NFILZ: variants seen among roughly 807,000 people sequenced by gnomAD.
NFILZ encodes the protein NFIL3 like basic leucine zipper.
At chr19:8,653,933 T>C (rs552382964) in intron 3 of NFILZ, among the ~76,000 whole-genome samples, 1 of 152,228 alleles carries the variant, frequency 6.6e-6, no homozygotes, top group South Asian at 2.1e-4. Context: ...AATTCATCCA[T>C]GTAATCAACA....
intron 2 of NFILZ, among the ~76,000 whole-genome samples, chr19:8,633,945 TC>T (rs2042883199): frequency 1.4e-5 from 2 of 144,486 alleles, no homozygotes; most frequent in Non-Finnish European, 1.5e-5. Context: ...CTTCCTTCCT[TC>T]CCTCCCTTCT....
At chr19:8,666,181 G>C (rs1387762757) in intron 3 of NFILZ, among the ~76,000 whole-genome samples, 3 of 151,994 alleles carry the variant, frequency 2.0e-5, no homozygotes, top group African/African-American at 7.3e-5. Context: ...GACTCCCCAA[G>C]TCTTCATAGG....
intron 3 of NFILZ, among the ~76,000 whole-genome samples, chr19:8,640,563 G>A (rs538077186): frequency 2.6e-5 from 4 of 152,054 alleles, no homozygotes; most frequent in African/African-American, 7.2e-5. Context: ...TGCTGCTCCC[G>A]GGTGGGTAAG....
intron 3 of NFILZ, among the ~76,000 whole-genome samples, chr19:8,637,930 A>AAAAAAAAAAAAAAAAAG (rs1421127557): frequency 6.7e-6 from 1 of 149,324 alleles, no homozygotes; most frequent in African/African-American, 2.5e-5. Context: ...AAAAAAAAAA[A>AAAAAAAAAAAAAAAAAG]AAAAGAAAAG....
chr19:8,660,128 G>T (rs2918313), intron 3 of NFILZ, among the ~76,000 whole-genome samples: 1 of 152,062 alleles, frequency 6.6e-6, no homozygotes, highest in African/African-American at 2.4e-5. Flanking sequence ...GGCTTGGCAG[G>T]GTAGGCCCTG....
chr19:8,644,028 G>T (rs75900042), intron 3 of NFILZ, among the ~76,000 whole-genome samples: 5,415 of 152,042 alleles, frequency 0.036, 147 homozygotes, highest in Middle Eastern at 0.12. Context: ...GGATTGAATT[G>T]TTCCACCCCA....
chr19:8,647,446 C>T (rs2042943558), intron 3 of NFILZ, among the ~76,000 whole-genome samples: 1 of 152,116 alleles, frequency 6.6e-6, no homozygotes, highest in Non-Finnish European at 1.5e-5. Context: ...GTGGCAGGCG[C>T]CTGTAATCCC....
At chr19:8,655,056 A>G (rs1555748181) in intron 3 of NFILZ, among the ~76,000 whole-genome samples, 3 of 152,220 alleles carry the variant, frequency 2.0e-5, no homozygotes, top group Non-Finnish European at 4.4e-5. Flanking sequence ...GAAAACTCAT[A>G]TAGTACTTAG....
chr19:8,644,633 GA>G (rs1457001926), intron 3 of NFILZ, among the ~76,000 whole-genome samples: 2 of 151,180 alleles, frequency 1.3e-5, no homozygotes, highest in Non-Finnish European at 1.5e-5. Context: ...GCTATTAAAA[GA>G]ATTTTTTTTT....
intron 3 of NFILZ, among the ~76,000 whole-genome samples, chr19:8,655,930 C>T (rs147902373): frequency 1.3e-5 from 2 of 151,972 alleles, no homozygotes; most frequent in South Asian, 2.1e-4. Context: ...TCTCTGTCTC[C>T]GTTTGAGTCT....
chr19:8,643,893 C>T (rs2042928848), intron 3 of NFILZ, among the ~76,000 whole-genome samples: 1 of 152,098 alleles, frequency 6.6e-6, no homozygotes. Flanking sequence ...CCTTTCTGAT[C>T]AGCTATTGAT....
At chr19:8,659,776 A>G (rs1239811991) in intron 3 of NFILZ, among the ~76,000 whole-genome samples, 3 of 152,112 alleles carry the variant, frequency 2.0e-5, no homozygotes, top group African/African-American at 7.2e-5. Flanking sequence ...CTGAGTCCCC[A>G]CGGATGAAGC....
At chr19:8,643,813 T>C (rs1242421882) in intron 3 of NFILZ, among the ~76,000 whole-genome samples, 1 of 152,152 alleles carries the variant, frequency 6.6e-6, no homozygotes, top group Non-Finnish European at 1.5e-5. Flanking sequence ...GCCCTGTAAT[T>C]ATATAATCCT....
intron 3 of NFILZ, among the ~76,000 whole-genome samples, chr19:8,647,778 TGCGC>T (rs147345694): frequency 0.066 from 7,045 of 106,292 alleles, 342 homozygotes; most frequent in African/African-American, 0.071. Flanking sequence ...CACGCACACA[TGCGC>T]GCGCGCGCGC....
chr19:8,646,813 C>T (rs886089670), intron 3 of NFILZ, among the ~76,000 whole-genome samples: 4 of 152,162 alleles, frequency 2.6e-5, no homozygotes, highest in Non-Finnish European at 4.4e-5. Flanking sequence ...CTCTGCTGCT[C>T]CTCCTAAACC....
intron 3 of NFILZ, among the ~76,000 whole-genome samples, chr19:8,660,198 C>T (rs762844536): frequency 2.9e-4 from 44 of 152,288 alleles, no homozygotes; most frequent in Non-Finnish European, 5.3e-4. Context: ...CTAGGCAAGT[C>T]GGTGCATCTC....
intron 3 of NFILZ, among the ~76,000 whole-genome samples, chr19:8,637,930 A>AAAAAAAAAAAAAAAAAAG (rs1421127557): frequency 1.3e-5 from 2 of 149,324 alleles, no homozygotes; most frequent in African/African-American, 4.9e-5. Flanking sequence ...AAAAAAAAAA[A>AAAAAAAAAAAAAAAAAAG]AAAAGAAAAG....
rs1208602716 is a variant in NFILZ, at chr19:8,676,125, G to A, written c.-113-234G>A. On this transcript the variant is annotated intron_variant, in intron 4 of 5. Transcript: ENST00000691075. The stretch of plus-strand genomic sequence containing the variant: ...TGAATGAATGGATAAATGGATAGAT[G>A]GTGAGTTGGGTAGAGGGATGGACAA... Among the ~76,000 whole-genome samples, 3 of 152,072 alleles carry A rather than the reference G, an allele frequency of 2.0e-5. 1 individual carries two copies. The highest frequency in any genetic ancestry group is 4.1e-4 in the South Asian group (2 of 4,824).
intron 2 of NFILZ, among the ~76,000 whole-genome samples, chr19:8,634,327 C>CAAA (rs1229998957): frequency 6.6e-6 from 1 of 151,710 alleles, no homozygotes; most frequent in East Asian, 1.9e-4. Context: ...GACAGGGTTT[C>CAAA]ACTCTGTTGC....
Sources: gnomAD v4.1 joint callset for allele counts (sites outside exome capture counted in the v4.1 genomes callset) on GRCh38, gnomAD v4.1.1 for gene constraint, MANE v1.5 for transcripts, NCBI Gene and HGNC (gene_info 2026-07-23, HGNC 2026-07-21) for gene names.